The following PTPN23 variants were observed in gnomAD, a reference collection of about 807,000 sequenced individuals.
PTPN23 encodes the protein protein tyrosine phosphatase non-receptor type 23.
Under a neutral mutation model 156.3 loss-of-function variants are expected in PTPN23, and 72 were observed. The observed-to-expected ratio is 0.46, with a 90% CI of 0.38 to 0.56. The LOEUF (loss-of-function observed/expected upper bound fraction) is 0.56. Among genes scored for constraint, PTPN23 ranks in the 20% least tolerant of loss-of-function variants. PTPN23 has a pLI of 0.00. For synonymous variants in PTPN23, 957 were observed against 899.6 expected, an observed-to-expected ratio of 1.06 and a Z score of -1.14; for missense variants, 1,974 against 2,171.5, an observed-to-expected ratio of 0.91 and a Z score of 1.81.
At position 47,408,508 on chromosome 3, in the gene PTPN23, C is replaced by G. The variant is rs780433324; in HGVS notation, c.1330+18C>G. The G allele has an allele frequency of 1.9e-6, 3 of 1,600,728 alleles. No individual in the cohort carries two copies. Among genetic ancestry groups the G allele is most frequent in the Non-Finnish European group, 2.6e-6 (3 of 1,170,778 alleles). On this transcript the variant is annotated intron_variant, in intron 15 of 24. Coordinates refer to ENST00000265562, the MANE Select transcript of PTPN23 (RefSeq NM_015466.4). ...CATGCAAGGTGAGTAAGGGGCAGAG[C>G]AAGCAGGTGGAAGGGAGTGTGGAGG...
intron 1 of PTPN23, among the ~76,000 whole-genome samples, chr3:47,392,517 T>C (rs1412826039): frequency 6.6e-6 from 1 of 152,042 alleles, no homozygotes; most frequent in Non-Finnish European, 1.5e-5. Flanking sequence ...GTGTTTTTGT[T>C]GTTGTTGTTG....
rs759975862 is a variant in PTPN23 at position 47,410,701 on chromosome 3, G to C, written c.2903G>C (p.Gly968Ala). ...CAGCCCCATCCTTCACAAGCGTTTGGGCCTCAGCCCCCACAGCAGCCCCTT... is the reference window on the plus strand; with the variant it reads ...CAGCCCCATCCTTCACAAGCGTTTGCGCCTCAGCCCCCACAGCAGCCCCTT... ...HPQPHPSQAFGPQPPQQPLPL... is the reference protein window; with the variant it reads ...HPQPHPSQAFAPQPPQQPLPL... The change falls in exon 20 of 25, where the codon GGG (glycine) becomes GCG (alanine). Residue 968 changes from glycine to alanine, a missense_variant. Physicochemically the swap from Gly to Ala is moderately conservative, Grantham distance 60. Around this residue, in one of 4 missense-constraint regions of PTPN23, gnomAD observed 731 missense variants for 669.1 expected, o/e 1.09. Coordinates refer to ENST00000265562, the MANE Select transcript of PTPN23 (RefSeq NM_015466.4). 6.2e-7 allele frequency: 1 copy of C among 1,601,234 alleles called. No homozygotes were observed. The highest frequency in any genetic ancestry group is 8.5e-7 in the Non-Finnish European group (1 of 1,174,588).
chr3:47,381,333 C>T (rs1416193093), intron 1 of PTPN23, among the ~76,000 whole-genome samples, 153 bp downstream of exon 1: 1 of 152,212 alleles, frequency 6.6e-6, no homozygotes, highest in African/African-American at 2.4e-5. Context: ...CTCAGCCTGT[C>T]CCACACCCCG....
rs1231437730 is a variant in PTPN23, at chr3:47,409,813, C to T, written c.2108C>T (p.Ala703Val). 9 of 1,609,576 alleles carry T rather than the reference C, an allele frequency of 5.6e-6. No homozygotes were observed. The highest frequency in any genetic ancestry group is 7.6e-6 in the Non-Finnish European group (9 of 1,179,012). The change falls in exon 19 of 25, where the codon GCC becomes GTC. Residue 703 changes from alanine (A) to valine (V), a missense_variant. Around this residue, in one of 4 missense-constraint regions of PTPN23, gnomAD observed 726 missense variants for 929.5 expected, o/e 0.78. Transcript: ENST00000265562. ...TCCACCTGCCAGGCCCGCGAGGCTGCCCGCCAGCAGCTCCTGGACAGGTTT... is the reference window on the plus strand; with the variant it reads ...TCCACCTGCCAGGCCCGCGAGGCTGTCCGCCAGCAGCTCCTGGACAGGTTT... ...TQSTCQAREAARQQLLDRELK... is the reference protein window; with the variant it reads ...TQSTCQAREAVRQQLLDRELK...
chr3:47,404,426 A>T lies in PTPN23; in HGVS notation c.160-226A>T, dbSNP rs867040224. 0.02 allele frequency among the ~76,000 whole-genome samples: 1,221 copies of T among 62,082 alleles called. 4 individuals are homozygous for T. The highest frequency in any genetic ancestry group is 0.026 in the Admixed American group (163 of 6,302). 40.7% of individuals were successfully genotyped at this position (62,082 alleles called of 152,430 possible). A position where few individuals can be genotyped will look rare whatever the true frequency, so the allele number is the denominator to read the frequency against. On this transcript the variant is annotated intron_variant, in intron 2 of 24. Coordinates refer to ENST00000265562, the MANE Select transcript of PTPN23 (RefSeq NM_015466.4). ...GAGACTCTTTTTTTTTTTTTTTTTT[A>T]AAAAAGGAAAAACTATGTGGGATAG...
chr3:47,388,028 A>G (rs1407805969), intron 1 of PTPN23, among the ~76,000 whole-genome samples: 1 of 152,234 alleles, frequency 6.6e-6, no homozygotes, highest in African/African-American at 2.4e-5. Flanking sequence ...TGGAAATAGC[A>G]TAGCTATTGG....
chr3:47,409,131 T>C, intron 16 of PTPN23, 32 bp from the exon 17 acceptor site: 1 of 1,608,084 alleles, frequency 6.2e-7, no homozygotes, highest in Non-Finnish European at 8.5e-7. Flanking sequence ...GCTGGGGGTT[T>C]CTCTGGCCTC....
chr3:47,405,370 C>A lies in PTPN23; in HGVS notation c.364+289C>A, dbSNP rs1395177600. 1 of 541,938 alleles carries A rather than the reference C, an allele frequency of 1.8e-6. No homozygotes were observed. The highest frequency in any genetic ancestry group is 3.3e-6 in the Non-Finnish European group (1 of 301,482). 33.6% of individuals were successfully genotyped at this position (541,938 alleles called of 1,614,324 possible). ...TTTCTTCTTTGACTGGACAGCCCCTCCCCACTGTGGTTTTGGGCTGCTTCA... is the reference window on the plus strand; with the variant it reads ...TTTCTTCTTTGACTGGACAGCCCCTACCCACTGTGGTTTTGGGCTGCTTCA... On this transcript the variant is annotated intron_variant, in intron 4 of 24. Transcript: ENST00000265562. The surrounding 1 kb of genome is among the most constrained non-coding windows in gnomAD (Gnocchi z 4.7).
intron 2 of PTPN23, among the ~76,000 whole-genome samples, chr3:47,398,695 G>C (rs1576218292): frequency 6.6e-6 from 1 of 151,860 alleles, no homozygotes. Flanking sequence ...CCCCCAAGTA[G>C]CTGGGACTAC....
At chr3:47,390,446 C>G (rs1043177488) in intron 1 of PTPN23, among the ~76,000 whole-genome samples, 22 of 152,280 alleles carry the variant, frequency 1.4e-4, no homozygotes, top group African/African-American at 5.1e-4. Flanking sequence ...TGGAGGTTCT[C>G]TGGTCTTCTT....
intron 1 of PTPN23, among the ~76,000 whole-genome samples, chr3:47,395,678 C>T (rs915678855): frequency 6.6e-6 from 1 of 152,176 alleles, no homozygotes; most frequent in Non-Finnish European, 1.5e-5. Flanking sequence ...TGTCCTTTCC[C>T]AGGCCAGGAG....
At chr3:47,400,507 T>C (rs544582986) in intron 2 of PTPN23, among the ~76,000 whole-genome samples, 5 of 152,250 alleles carry the variant, frequency 3.3e-5, no homozygotes, top group Non-Finnish European at 7.3e-5. Flanking sequence ...CTCTTGGATC[T>C]GGAGGGGAGA....
At chr3:47,404,522 C>T in intron 2 of PTPN23, 130 bp from the exon 3 acceptor site, 5 of 1,267,514 alleles carry the variant, frequency 3.9e-6, no homozygotes, top group African/African-American at 1.5e-5. Flanking sequence ...TAGCCATGGA[C>T]TTTTTGGGAT....
At chr3:47,382,041 G>A (rs577184447) in intron 1 of PTPN23, among the ~76,000 whole-genome samples, 2 of 152,322 alleles carry the variant, frequency 1.3e-5, no homozygotes, top group South Asian at 2.1e-4. Flanking sequence ...TGTGGGCTTA[G>A]CACAGCAGAT....
intron 1 of PTPN23, among the ~76,000 whole-genome samples, chr3:47,385,738 C>T (rs1285879651): frequency 1.3e-5 from 2 of 152,158 alleles, no homozygotes; most frequent in Non-Finnish European, 2.9e-5. Flanking sequence ...TACACAGTAA[C>T]CCTCATCCTC....
At chr3:47,392,515 G>T (rs1704796455) in intron 1 of PTPN23, among the ~76,000 whole-genome samples, 1 of 152,032 alleles carries the variant, frequency 6.6e-6, no homozygotes, top group Non-Finnish European at 1.5e-5. Context: ...TTGTGTTTTT[G>T]TTGTTGTTGT....
chr3:47,409,599 A>G, intron 18 of PTPN23, 31 bp downstream of exon 18: 1 of 1,612,124 alleles, frequency 6.2e-7, no homozygotes, highest in East Asian at 2.2e-5. Flanking sequence ...TCTTTCCCGG[A>G]GCCACCTGGA....
chr3:47,406,700 C>T lies in PTPN23; in HGVS notation c.760-3C>T. On this transcript the variant is annotated splice_region_variant and splice_polypyrimidine_tract_variant and intron_variant, in intron 8 of 24. Transcript: ENST00000265562. This position sits in a 1 kb window ranked among gnomAD's most constrained non-coding sequence, Gnocchi z 5.8. ...AGTCGTGGCGTCTCTTCTTCTTTCC[C>T]AGCTGCACATGGGAAAGCAGGCCGA... 6.2e-7 allele frequency: 1 copy of T among 1,613,982 alleles called. No individual in the cohort carries two copies. Among genetic ancestry groups the T allele is most frequent in the Non-Finnish European group, 8.5e-7 (1 of 1,179,974 alleles).
At chr3:47,397,293 A>C (rs761206671) in intron 2 of PTPN23, among the ~76,000 whole-genome samples, 65 of 152,254 alleles carry the variant, frequency 4.3e-4, no homozygotes, top group Non-Finnish European at 7.9e-4. Flanking sequence ...TGCTGCTGGA[A>C]AAATGGTGCC....
Sources: allele counts gnomAD v4.1 joint callset (sites outside exome capture counted in the v4.1 genomes callset), GRCh38; gene constraint gnomAD v4.1.1; regional missense constraint gnomAD v4.1.1; non-coding constraint Gnocchi (gnomAD v3.1); transcripts MANE v1.5; gene names NCBI Gene and HGNC (gene_info 2026-07-23, HGNC 2026-07-21).